Variants in ING5 observed in about 807,000 individuals in gnomAD.
ING5 encodes the protein inhibitor of growth protein 5.
A neutral mutation model predicts 37.4 loss-of-function variants in ING5; 17 were observed. The ratio of observed to expected loss-of-function variants is 0.45; its 90% CI spans 0.31 to 0.68. The LOEUF (loss-of-function observed/expected upper bound fraction) is 0.68, where lower values mean the gene tolerates loss of function less well. Among genes scored for constraint, ING5 ranks in the 30% least tolerant of loss-of-function variants. The probability of loss-of-function intolerance (pLI) is 0.05; values close to 1 mark genes in which losing one functional copy is unlikely to be tolerated. For missense variants in ING5, 233 were observed against 311.9 expected (o/e 0.75, Z 1.91); for synonymous variants, 123 against 116.6 (o/e 1.06, Z -0.36).
chr2:241,700,868 C>T (rs544251164), upstream of ING5, among the ~76,000 whole-genome samples: 29 of 152,022 alleles, frequency 1.9e-4, no homozygotes, highest in African/African-American at 7.0e-4. Context: ...TCAAGTGATC[C>T]GCCCGCCTCG....
chr2:241,722,747 A>G (rs1158997978), intron 5 of ING5, 192 bp from the exon 6 acceptor site: 9 of 985,296 alleles, frequency 9.1e-6, no homozygotes, highest in East Asian at 1.1e-4. Flanking sequence ...CTAAAGGACA[A>G]TGGGAAAAAT....
intron 1 of ING5, 144 bp from the exon 2 acceptor site, chr2:241,704,509 A>G (rs1263755201): frequency 3.1e-6 from 2 of 642,486 alleles, no homozygotes; most frequent in Non-Finnish European, 5.7e-6. Context: ...TGTAGGTTGC[A>G]GTGAGCCAAG....
chr2:241,711,712 G>A (rs780227873), intron 4 of ING5: 3 of 566,410 alleles, frequency 5.3e-6, no homozygotes, highest in Non-Finnish European at 6.2e-6. Flanking sequence ...ACCAACCTGG[G>A]CAACATAGCG....
chr2:241,722,274 C>T, intron 5 of ING5: 1 of 985,370 alleles, frequency 1.0e-6, no homozygotes, highest in Non-Finnish European at 1.2e-6. Flanking sequence ...GTGCTTGTTT[C>T]CAAAGGGGCC....
intron 5 of ING5, chr2:241,720,969 C>G: frequency 1.0e-6 from 1 of 985,716 alleles, no homozygotes; most frequent in Non-Finnish European, 1.2e-6. Context: ...AGGCCCCCGG[C>G]CCTCTCCCAC....
rs752130881 is a variant in ING5 at position 241,709,390 on chromosome 2, C to G, written c.276+8C>G. 2 of 1,608,976 alleles carry G rather than the reference C, an allele frequency of 1.2e-6. No homozygotes were observed. The highest frequency in any genetic ancestry group is 1.3e-5 in the African/African-American group (1 of 74,640). ...ATGCAGACCTACGAGATGGTGAGGG[C>G]GGGGCGGGGGCCATGGCTCTTCCTC... On this transcript the variant is annotated splice_region_variant and intron_variant, in intron 3 of 7. Coordinates refer to ENST00000313552, the MANE Select transcript of ING5 (RefSeq NM_032329.6).
At chr2:241,719,150 C>T (rs542782804) in intron 5 of ING5, among the ~76,000 whole-genome samples, 31 of 152,320 alleles carry the variant, frequency 2.0e-4, no homozygotes, top group African/African-American at 6.0e-4. Context: ...GGTAGAAGTG[C>T]GGGGGAGGAG....
At chr2:241,697,027 A>G (rs746226007) in intron 2 of ING5, among the ~76,000 whole-genome samples, 1 of 152,162 alleles carries the variant, frequency 6.6e-6, no homozygotes, top group Non-Finnish European at 1.5e-5. Context: ...GGTTGCAGTG[A>G]GCCGAGATTG....
chr2:241,716,877 G>A (rs761119151), intron 5 of ING5, among the ~76,000 whole-genome samples: 11 of 152,132 alleles, frequency 7.2e-5, no homozygotes, highest in Non-Finnish European at 1.2e-4. Context: ...GTGGTCAGGC[G>A]CTGGGGTGGT....
intron 2 of ING5, among the ~76,000 whole-genome samples, chr2:241,706,205 G>A (rs1054949913): frequency 2.0e-5 from 3 of 152,010 alleles, no homozygotes; most frequent in Non-Finnish European, 4.4e-5. Context: ...GTTTTCCTGG[G>A]ATCTCCTTTC....
upstream of ING5, among the ~76,000 whole-genome samples, chr2:241,697,189 A>T (rs1282010569): frequency 6.6e-6 from 1 of 152,046 alleles, no homozygotes; most frequent in Non-Finnish European, 1.5e-5. Context: ...TAATCCTAGC[A>T]CTTTGGGAGG....
chr2:241,694,469 T>C (rs970037797), intron 2 of ING5, among the ~76,000 whole-genome samples: 8 of 151,400 alleles, frequency 5.3e-5, no homozygotes, highest in Admixed American at 4.6e-4. Context: ...GTAAAAGATA[T>C]AAAGGAGAAA....
At chr2:241,713,432 G>A (rs1252349558) in intron 5 of ING5, among the ~76,000 whole-genome samples, 2 of 145,274 alleles carry the variant, frequency 1.4e-5, no homozygotes, top group South Asian at 4.4e-4. Flanking sequence ...GTGTGGTGGC[G>A]CGATCTCAGC....
intron 5 of ING5, chr2:241,721,552 A>AG (rs1239258205): frequency 2.5e-5 from 25 of 985,288 alleles, no homozygotes; most frequent in Non-Finnish European, 2.7e-5. Context: ...TCCAAGGAAA[A>AG]GCTGAGTGTT....
rs1464915416 is a variant in ING5, at chr2:241,709,252, A to T, written c.146A>T (p.Tyr49Phe). The T allele has an allele frequency of 6.2e-7, 1 of 1,613,766 alleles. No homozygotes were observed. The change falls in exon 3 of 8, where the codon TAC (tyrosine) becomes TTC (phenylalanine). Residue 49 changes from tyrosine to phenylalanine, a missense_variant. This residue lies in a region of ING5 where 93 missense variants were observed against 99.7 expected (regional missense o/e 0.93). Coordinates refer to ENST00000313552, the MANE Select transcript of ING5 (RefSeq NM_032329.6). The stretch of plus-strand genomic sequence containing the variant: ...GAGATTGACATCCTGGCTGCAGAGT[A>T]CATCTCCACGGTGAAGACGCTGTCT... ...KAEIDILAAEYISTVKTLSPD... is the reference protein window; with the variant it reads ...KAEIDILAAEFISTVKTLSPD...
At chr2:241,700,802 T>A (rs927510204), upstream of ING5, among the ~76,000 whole-genome samples, 2 of 151,724 alleles carry the variant, frequency 1.3e-5, no homozygotes, top group Non-Finnish European at 2.9e-5. Flanking sequence ...ATTTTTGTAT[T>A]TTTAGTAGAG....
chr2:241,724,887 C>G, intron 7 of ING5, 102 bp from the exon 8 acceptor site: 2 of 1,242,874 alleles, frequency 1.6e-6, no homozygotes, highest in Non-Finnish European at 2.3e-6. Context: ...GCCCTCCTGC[C>G]GGCGTCCAGC....
chr2:241,687,534 TTTTG>T lies in ING5; in HGVS notation c.-1293_-1290del, dbSNP rs1162182968. 9 of 374,054 alleles carry T rather than the reference TTTTG, an allele frequency of 2.4e-5. No homozygotes were observed. In the South Asian group the frequency reaches 7.4e-4, roughly 31 times the overall value. The allele number at this position is 374,054 out of a possible 1,614,324, so 23.2% of individuals were successfully genotyped here. A position where few individuals can be genotyped will look rare whatever the true frequency, so the allele number is the denominator to read the frequency against. Reference sequence around the variant, plus strand: ...AAGTCCGTGTGTGTGTTTTTGTTGTTTTTGTTTGTTTGAGACAGAGTCTCGCTCT... The same window carrying T: ...AAGTCCGTGTGTGTGTTTTTGTTGTTTTTGTTTGAGACAGAGTCTCGCTCT... On this transcript the variant is annotated 5_prime_UTR_variant, in exon 1 of 8. Coordinates refer to the ING5 transcript ENST00000636051.
chr2:241,695,110 C>T (rs1281878367), intron 2 of ING5, among the ~76,000 whole-genome samples: 1 of 151,200 alleles, frequency 6.6e-6, no homozygotes, highest in Non-Finnish European at 1.5e-5. Context: ...CAACCTGGGT[C>T]GGCCCCAGTG....
Sources: gnomAD v4.1 joint callset for allele counts (sites outside exome capture counted in the v4.1 genomes callset) on GRCh38, gnomAD v4.1.1 for gene constraint, gnomAD v4.1.1 regional missense constraint, MANE v1.5 for transcripts, NCBI Gene and HGNC (gene_info 2026-07-23, HGNC 2026-07-21) for gene names.